The following EBF3 variants were observed in gnomAD, a reference collection of about 807,000 sequenced individuals.
EBF3 encodes the protein EBF transcription factor 3.
EBF3 carries 18 observed loss-of-function variants against 77.1 expected under a neutral mutation model. That is an observed-to-expected ratio of 0.23 (90% CI 0.16 to 0.35). EBF3 has a LOEUF of 0.35. EBF3 is among the 10% of genes least tolerant of loss of function. EBF3 has a pLI of 1.00. For missense variants in EBF3, 558 were observed against 860.0 expected, an observed-to-expected ratio of 0.65 and a Z score of 4.39; for synonymous variants, 350 against 343.5, an observed-to-expected ratio of 1.02 and a Z score of -0.21.
chr10:129,934,687 T>C lies in EBF3; in HGVS notation c.554+22571A>G, dbSNP rs535552147. Among the ~76,000 whole-genome samples, 9 of 152,252 alleles carry C rather than the reference T, an allele frequency of 5.9e-5. 1 individual carries two copies. In the South Asian group the frequency reaches 1.7e-3, roughly 28 times the overall value. On this transcript the variant is annotated intron_variant, in intron 6 of 16. Transcript: ENST00000440978. ...ATTCCCTCACAAGCTCCTGCTCCAG[T>C]TGGGAAGAGGAGACTGAACAAAGGC...
chr10:129,859,000 G>T (rs978922714), intron 10 of EBF3, among the ~76,000 whole-genome samples: 1 of 152,156 alleles, frequency 6.6e-6, no homozygotes, highest in South Asian at 2.1e-4. Context: ...TTAAAATTTC[G>T]CACGCTCCGT....
intron 6 of EBF3, among the ~76,000 whole-genome samples, chr10:129,896,051 T>C (rs1854348237): frequency 6.6e-6 from 1 of 151,946 alleles, no homozygotes; most frequent in Non-Finnish European, 1.5e-5. Flanking sequence ...TTTTTGAAAG[T>C]ATGACTTTAA....
rs149608736 is a variant in EBF3, at chr10:129,894,527, C to G, written c.555-16678G>C. On this transcript the variant is annotated intron_variant, in intron 6 of 16. Coordinates refer to ENST00000440978, the MANE Select transcript of EBF3 (RefSeq NM_001375380.1). ...TGACCTATGATCCAGCACCTTGCCT[C>G]TGGGCCCCGCCTCTGTGCCCCAGCT... Among the ~76,000 whole-genome samples the G allele has an allele frequency of 6.4e-4, 98 of 152,294 alleles. No individual in the cohort carries two copies. In the East Asian group the frequency reaches 0.015, roughly 23 times the overall value.
At chr10:129,953,506 A>G (rs867431254) in intron 6 of EBF3, among the ~76,000 whole-genome samples, 5 of 152,192 alleles carry the variant, frequency 3.3e-5, no homozygotes, top group African/African-American at 9.6e-5. Flanking sequence ...ACTTGGAATG[A>G]TAAGTCTCCC....
intron 6 of EBF3, among the ~76,000 whole-genome samples, chr10:129,907,806 C>G (rs1260707004): frequency 6.6e-6 from 1 of 152,116 alleles, no homozygotes; most frequent in Non-Finnish European, 1.5e-5. Flanking sequence ...GGTAATCGTA[C>G]GTTGTCGCAT....
chr10:129,852,746 G>A (rs760425026), intron 10 of EBF3, among the ~76,000 whole-genome samples: 1 of 152,324 alleles, frequency 6.6e-6, no homozygotes, highest in African/African-American at 2.4e-5. Context: ...AAACATACAC[G>A]TTTGGGGCCA....
At chr10:129,896,554 G>A (rs1393364764) in intron 6 of EBF3, among the ~76,000 whole-genome samples, 1 of 152,208 alleles carries the variant, frequency 6.6e-6, no homozygotes, top group Non-Finnish European at 1.5e-5. Context: ...GGCTGCCCCT[G>A]TCCCTGCACA....
chr10:129,887,785 C>T (rs1853711429), intron 6 of EBF3, among the ~76,000 whole-genome samples: 1 of 152,106 alleles, frequency 6.6e-6, no homozygotes, highest in Non-Finnish European at 1.5e-5. Flanking sequence ...GTGGTGGGTT[C>T]GCACATGCCA....
intron 10 of EBF3, among the ~76,000 whole-genome samples, chr10:129,856,347 A>G (rs1181666404): frequency 6.6e-6 from 1 of 152,232 alleles, no homozygotes; most frequent in Non-Finnish European, 1.5e-5. Context: ...TCAATGAATG[A>G]ATGGATAAAC....
chr10:129,851,614 G>A (rs909729994), intron 10 of EBF3, among the ~76,000 whole-genome samples: 1 of 152,182 alleles, frequency 6.6e-6, no homozygotes, highest in Non-Finnish European at 1.5e-5. Flanking sequence ...ATCTGGATCT[G>A]AGAGGATGAG....
chr10:129,936,640 T>C (rs1436002451), intron 6 of EBF3, among the ~76,000 whole-genome samples: 1 of 149,324 alleles, frequency 6.7e-6, no homozygotes, highest in Admixed American at 6.6e-5. Context: ...GACCCTCAGC[T>C]GTGGGGGGAC....
Position 129,848,761 on chromosome 10 carries a change from G to C in EBF3, c.1040-281C>G, listed in dbSNP as rs1285053509. On this transcript the variant is annotated intron_variant, in intron 10 of 16. Transcript: ENST00000440978. The surrounding 1 kb of genome is among the most constrained non-coding windows in gnomAD (Gnocchi z 4.4). ...GTGCAGTCACAAAGTTACAGGTCTT[G>C]GGGCCATATGTAGCAATCACCACCA... Among the ~76,000 whole-genome samples, 1 of 152,196 alleles carries C rather than the reference G, an allele frequency of 6.6e-6. No individual in the cohort carries two copies. Among genetic ancestry groups the C allele is most frequent in the Non-Finnish European group, 1.5e-5 (1 of 68,028 alleles).
At chr10:129,876,885 A>ACGCCCCCCCCCCC (rs1852810848) in intron 7 of EBF3, among the ~76,000 whole-genome samples, 1 of 42,368 alleles carries the variant, frequency 2.4e-5, no homozygotes, top group African/African-American at 8.2e-5. Context: ...TCATCCCTGA[A>ACGCCCCCCCCCCC]CCCCCCCCCC....
At chr10:129,941,832 C>T (rs1231895538) in intron 6 of EBF3, among the ~76,000 whole-genome samples, 3 of 152,204 alleles carry the variant, frequency 2.0e-5, no homozygotes, top group Admixed American at 6.5e-5. Flanking sequence ...AAGGGCTCTG[C>T]AGAGGCCAAA....
At position 129,947,608 on chromosome 10, in the gene EBF3, T is replaced by C. The variant is rs1858324490; in HGVS notation, c.554+9650A>G. 6.6e-6 allele frequency among the ~76,000 whole-genome samples: 1 copy of C among 151,812 alleles called. No individual in the cohort carries two copies. The highest frequency in any genetic ancestry group is 2.4e-5 in the African/African-American group (1 of 41,302). On this transcript the variant is annotated intron_variant, in intron 6 of 16. Coordinates refer to ENST00000440978, the MANE Select transcript of EBF3 (RefSeq NM_001375380.1). The surrounding 1 kb of genome is among the most constrained non-coding windows in gnomAD (Gnocchi z 4.5). ...ATAAACCCCTTATAATAAGTGAAAT[T>C]GAGCAATGCCACTTAAATTCTGAAT... is the stretch of plus-strand genomic sequence containing the variant.
At chr10:129,950,744 A>C (rs781319543) in intron 6 of EBF3, among the ~76,000 whole-genome samples, 94 of 152,346 alleles carry the variant, frequency 6.2e-4, no homozygotes, top group Non-Finnish European at 1.2e-3. Context: ...ATGTCTCATT[A>C]TATAGAGTTT....
intron 6 of EBF3, among the ~76,000 whole-genome samples, chr10:129,945,490 A>G (rs1858138616): frequency 6.6e-6 from 1 of 152,192 alleles, no homozygotes; most frequent in Non-Finnish European, 1.5e-5. Context: ...TCCGGCCTCC[A>G]CTGCTAGGGT....
Position 129,870,985 on chromosome 10 carries a change from G to A in EBF3, c.781+2467C>T, listed in dbSNP as rs1852366933. Among the ~76,000 whole-genome samples, 2 of 152,186 alleles carry A rather than the reference G, an allele frequency of 1.3e-5. No homozygotes were observed. Among genetic ancestry groups the A allele is most frequent in the Admixed American group, 1.3e-4 (2 of 15,278 alleles). The stretch of plus-strand genomic sequence containing the variant: ...ACTTCTTTGTTCTGCCTGCTAAAAT[G>A]TCTTGTAATTGTGCTTGGGATGTCC... On this transcript the variant is annotated intron_variant, in intron 8 of 16. Coordinates refer to ENST00000440978, the MANE Select transcript of EBF3 (RefSeq NM_001375380.1). This position sits in a 1 kb window ranked among gnomAD's most constrained non-coding sequence, Gnocchi z 4.4.
At chr10:129,951,751 G>C (rs138829951) in intron 6 of EBF3, among the ~76,000 whole-genome samples, 279 of 152,380 alleles carry the variant, frequency 1.8e-3, no homozygotes, top group Middle Eastern at 6.8e-3. Flanking sequence ...TAACCGTGCA[G>C]CCGGCGTGGT....
Sources: allele counts gnomAD v4.1 joint callset (sites outside exome capture counted in the v4.1 genomes callset), GRCh38; gene constraint gnomAD v4.1.1; non-coding constraint Gnocchi (gnomAD v3.1); transcripts MANE v1.5; gene names NCBI Gene and HGNC (gene_info 2026-07-23, HGNC 2026-07-21).